PAX3: variants seen among roughly 807,000 people sequenced by gnomAD.
The protein encoded by PAX3 is paired box protein Pax-3.
PAX3 carries 14 observed loss-of-function variants against 51.6 expected under a neutral mutation model. The ratio of observed to expected loss-of-function variants is 0.27; its 90% CI spans 0.18 to 0.42. The LOEUF is 0.42. Ranked by LOEUF, PAX3 falls within the 10% of genes least tolerant of loss-of-function variation. The probability of loss-of-function intolerance (pLI) is 1.00; values close to 1 mark genes in which losing one functional copy is unlikely to be tolerated. For missense variants in PAX3, 540 were observed against 642.8 expected, an observed-to-expected ratio of 0.84 and a Z score of 1.73; for synonymous variants, 280 against 253.4, an observed-to-expected ratio of 1.11 and a Z score of -1.00.
chr2:222,231,449 G>A (rs1214903942), intron 5 of PAX3, among the ~76,000 whole-genome samples: 4 of 152,122 alleles, frequency 2.6e-5, no homozygotes, highest in Non-Finnish European at 4.4e-5. Context: ...ACCTCTAAGA[G>A]TTCAAAAGAT....
Position 222,298,570 on chromosome 2 carries a change from G to A in PAX3, c.46C>T (p.Pro16Ser), listed in dbSNP as rs767173518. The A allele has an allele frequency of 2.5e-6, 4 of 1,608,366 alleles. No individual in the cohort carries two copies. Among genetic ancestry groups the A allele is most frequent in the Admixed American group, 3.4e-5 (2 of 59,508 alleles). Residue 16 changes from proline (P) to serine (S), a missense_variant, in exon 1 of 9, where the codon CCG becomes TCG. By Grantham distance (74) the Pro-to-Ser change is moderately conservative (BLOSUM62 -1). Coordinates refer to ENST00000392070, the MANE Select transcript of PAX3 (RefSeq NM_181458.4). ...GAVPRMMRPGPGQNYPRSGFP... is the reference protein window; with the variant it reads ...GAVPRMMRPGSGQNYPRSGFP... ...CCGCTACGCGGGTAGTTCTGCCCCGGGCCCGGCCGCATCATCCTGGGCACA... is the reference window on the plus strand; with the variant it reads ...CCGCTACGCGGGTAGTTCTGCCCCGAGCCCGGCCGCATCATCCTGGGCACA...
chr2:222,298,798 A>C lies in PAX3; in HGVS notation c.-183T>G. ...TTCCTAGTCCAGAGGCCGGAGCTGG[A>C]ACCCGGGAAAGGGGAGGACGGGGAG... On this transcript the variant is annotated 5_prime_UTR_variant, in exon 1 of 9. Coordinates refer to ENST00000392070, the MANE Select transcript of PAX3 (RefSeq NM_181458.4). 1.6e-6 allele frequency: 1 copy of C among 644,428 alleles called. No individual in the cohort carries two copies. Among genetic ancestry groups the C allele is most frequent in the Non-Finnish European group, 2.8e-6 (1 of 361,068 alleles). 39.9% of individuals were successfully genotyped at this position (644,428 alleles called of 1,614,324 possible).
chr2:222,284,192 C>A (rs902033957), intron 4 of PAX3, among the ~76,000 whole-genome samples: 1 of 152,084 alleles, frequency 6.6e-6, no homozygotes, highest in Non-Finnish European at 1.5e-5. Flanking sequence ...CTATAAAGAC[C>A]TTTAAGAACA....
At chr2:222,295,449 G>T (rs1392449204) in intron 3 of PAX3, 79 bp downstream of exon 3, 6 of 1,512,876 alleles carry the variant, frequency 4.0e-6, no homozygotes, top group Admixed American at 1.7e-5. Flanking sequence ...GATAATTGGG[G>T]TGATTACGTC....
At chr2:222,294,118 G>A in intron 4 of PAX3, 49 bp downstream of exon 4, 4 of 1,612,460 alleles carry the variant, frequency 2.5e-6, no homozygotes, top group Non-Finnish European at 3.4e-6. Flanking sequence ...GCTAGCCGAT[G>A]CCCTCCAAGT....
chr2:222,277,657 C>A (rs559291060), intron 4 of PAX3, among the ~76,000 whole-genome samples: 2 of 152,086 alleles, frequency 1.3e-5, no homozygotes, highest in Non-Finnish European at 2.9e-5. Context: ...GAGTTTTGGC[C>A]GGTCGCAGTG....
At chr2:222,277,970 C>CT (rs201134751) in intron 4 of PAX3, among the ~76,000 whole-genome samples, 293 of 137,940 alleles carry the variant, frequency 2.1e-3, no homozygotes, top group South Asian at 0.016. Flanking sequence ...TGTGTGATTT[C>CT]TTTTTTTTTT....
intron 4 of PAX3, chr2:222,262,913 T>C (rs907117590): frequency 6.6e-6 from 1 of 152,162 alleles, no homozygotes; most frequent in Non-Finnish European, 1.5e-5. Context: ...TTGAAACAGT[T>C]AGACATACAG....
intron 4 of PAX3, among the ~76,000 whole-genome samples, chr2:222,278,029 C>A (rs781602243): frequency 6.6e-6 from 1 of 150,748 alleles, no homozygotes; most frequent in Non-Finnish European, 1.5e-5. Context: ...TATGTGTGAC[C>A]GAAGACAATT....
At chr2:222,203,655 G>A (rs1691394133) in intron 7 of PAX3, among the ~76,000 whole-genome samples, 1 of 152,042 alleles carries the variant, frequency 6.6e-6, no homozygotes. Context: ...GCGGGGGGCG[G>A]GTCTAGTTTT....
intron 8 of PAX3, 169 bp downstream of exon 8, chr2:222,201,775 A>G: frequency 1.3e-6 from 2 of 1,497,186 alleles, no homozygotes; most frequent in Non-Finnish European, 1.8e-6. Flanking sequence ...TAAGAAAATA[A>G]TTACACAAGG....
At position 222,238,828 on chromosome 2, in the gene PAX3, A is replaced by C. The variant is rs993918611; in HGVS notation, c.587-6545T>G. Among the ~76,000 whole-genome samples, 10 of 152,332 alleles carry C rather than the reference A, an allele frequency of 6.6e-5. 1 individual carries two copies. The East Asian group carries it at 1.3e-3, about 21-fold the overall frequency. On this transcript the variant is annotated intron_variant, in intron 4 of 8. Coordinates refer to ENST00000392070, the MANE Select transcript of PAX3 (RefSeq NM_181458.4). ...TTTATACTGCGAGTCTGATCACTTA[A>C]GGGTATTTCACAAGTATATTCCAGA...
At chr2:222,205,474 C>T (rs181905238) in intron 7 of PAX3, among the ~76,000 whole-genome samples, 24 of 152,184 alleles carry the variant, frequency 1.6e-4, no homozygotes, top group Admixed American at 3.9e-4. Context: ...CTCTGACTTC[C>T]CTGATAGAGC....
chr2:222,280,212 G>GAAGA (rs973377322), intron 4 of PAX3, among the ~76,000 whole-genome samples: 3 of 148,442 alleles, frequency 2.0e-5, no homozygotes, highest in Admixed American at 6.8e-5. Flanking sequence ...ACTCTGTCAG[G>GAAGA]AAGAAAGAAA....
intron 7 of PAX3, among the ~76,000 whole-genome samples, chr2:222,209,104 A>T (rs1691620358): frequency 6.6e-6 from 1 of 152,118 alleles, no homozygotes; most frequent in Non-Finnish European, 1.5e-5. Context: ...CTATATTCCC[A>T]TTTCCCTAAA....
At chr2:222,279,304 CGTGTGTGT>C (rs57076966) in intron 4 of PAX3, among the ~76,000 whole-genome samples, 2 of 148,034 alleles carry the variant, frequency 1.4e-5, no homozygotes, top group African/African-American at 5.0e-5. Context: ...CAAGCCTGTG[CGTGTGTGT>C]GTGTGTGTGT....
At chr2:222,260,176 GTTTATC>G (rs1322876891) in intron 4 of PAX3, among the ~76,000 whole-genome samples, 2 of 152,218 alleles carry the variant, frequency 1.3e-5, no homozygotes, top group East Asian at 3.9e-4. Flanking sequence ...TGCCTGGTCT[GTTTATC>G]TTTAAGATGG....
At position 222,220,129 on chromosome 2, in the gene PAX3, A is replaced by G; in HGVS notation, c.1173+11T>C. On this transcript the variant is annotated intron_variant, in intron 7 of 8. Coordinates refer to ENST00000392070, the MANE Select transcript of PAX3 (RefSeq NM_181458.4). ...TACAGCAAATCGTCTGTCTAGAAAC[A>G]CGGGACTGACCTGAGGTGAGAGGCC... The G allele has an allele frequency of 6.2e-7, 1 of 1,611,510 alleles. No individual in the cohort carries two copies. Among genetic ancestry groups the G allele is most frequent in the Non-Finnish European group, 8.5e-7 (1 of 1,178,088 alleles).
intron 4 of PAX3, among the ~76,000 whole-genome samples, chr2:222,291,970 G>GT (rs1695057278): frequency 1.3e-4 from 1 of 7,640 alleles, no homozygotes; most frequent in African/African-American, 4.9e-4. Context: ...AGCCTCCAAG[G>GT]TGTGTGTGTG....
Sources: gnomAD v4.1 joint callset for allele counts (sites outside exome capture counted in the v4.1 genomes callset) on GRCh38, gnomAD v4.1.1 for gene constraint, MANE v1.5 for transcripts, NCBI Gene and HGNC (gene_info 2026-07-23, HGNC 2026-07-21) for gene names.